CACUL1: variants seen among roughly 807,000 people sequenced by gnomAD.
CACUL1 encodes CDK2 associated cullin domain 1.
Under a neutral mutation model 45.2 loss-of-function variants are expected in CACUL1, and 13 were observed. The ratio of observed to expected loss-of-function variants is 0.29; its 90% CI spans 0.19 to 0.46. The LOEUF (loss-of-function observed/expected upper bound fraction) is 0.46, where lower values mean the gene tolerates loss of function less well. Ranked by LOEUF, CACUL1 falls within the 20% of genes least tolerant of loss-of-function variation. CACUL1 has a pLI of 1.00. For synonymous variants in CACUL1, 197 were observed against 174.2 expected, an observed-to-expected ratio of 1.13 and a Z score of -1.03; for missense variants, 421 against 471.4, an observed-to-expected ratio of 0.89 and a Z score of 0.99.
intron 3 of CACUL1, among the ~76,000 whole-genome samples, chr10:118,720,132 A>G (rs903347397): frequency 2.0e-5 from 3 of 152,220 alleles, no homozygotes; most frequent in African/African-American, 4.8e-5. Context: ...TATTTCTAAA[A>G]TAAGACTTCC....
At chr10:118,741,218 C>A (rs1012045492) in intron 1 of CACUL1, among the ~76,000 whole-genome samples, 27 of 152,042 alleles carry the variant, frequency 1.8e-4, no homozygotes, top group Admixed American at 7.9e-4. Context: ...AAATTATAAA[C>A]CTGTATTACT....
At chr10:118,749,179 C>T (rs1021693979) in intron 1 of CACUL1, among the ~76,000 whole-genome samples, 3 of 151,980 alleles carry the variant, frequency 2.0e-5, no homozygotes, top group African/African-American at 7.3e-5. Flanking sequence ...TCTGGGTTAA[C>T]GATGGGCAAT....
In CACUL1 at chr10:118,724,537, C is replaced by T. The variant is rs1207690747; in HGVS notation, c.597+4758G>A. Among the ~76,000 whole-genome samples, 4 of 152,024 alleles carry T rather than the reference C, an allele frequency of 2.6e-5. No homozygotes were observed. In the South Asian group the frequency reaches 8.3e-4, roughly 32 times the overall value. ...TAAAACCACTCAAGTTTTTTTTACACGGACCAAAAAATCAGCTGTGATTAA... is the reference window on the plus strand; with the variant it reads ...TAAAACCACTCAAGTTTTTTTTACATGGACCAAAAAATCAGCTGTGATTAA... On this transcript the variant is annotated intron_variant, in intron 3 of 8. Coordinates refer to ENST00000369151, the MANE Select transcript of CACUL1 (RefSeq NM_153810.5).
At chr10:118,710,544 C>A (rs578238568) in intron 3 of CACUL1, among the ~76,000 whole-genome samples, 3 of 152,172 alleles carry the variant, frequency 2.0e-5, no homozygotes, top group Non-Finnish European at 4.4e-5. Flanking sequence ...ACTGTTCTTT[C>A]TACCTAACCA....
intron 1 of CACUL1, among the ~76,000 whole-genome samples, chr10:118,735,964 A>AG (rs2119655186): frequency 6.6e-6 from 1 of 152,284 alleles, no homozygotes; most frequent in African/African-American, 2.4e-5. Flanking sequence ...AATGTATGCT[A>AG]TCTAAAAGAA....
rs529124364 is a variant in CACUL1 at position 118,701,926 on chromosome 10, G to A, written c.694-518C>T. 2.9e-4 allele frequency among the ~76,000 whole-genome samples: 44 copies of A among 152,266 alleles called. 2 individuals carry two copies. In the South Asian group the frequency reaches 8.7e-3, roughly 30 times the overall value. On this transcript the variant is annotated intron_variant, in intron 4 of 8. Coordinates refer to ENST00000369151, the MANE Select transcript of CACUL1 (RefSeq NM_153810.5). ...GCCCAAGCAGACTTAGAGAAATTGT[G>A]GTGTGAGGGAAAAATCTCCTGCAGT...
chr10:118,734,649 T>C (rs1355004512), intron 1 of CACUL1, among the ~76,000 whole-genome samples: 8 of 152,206 alleles, frequency 5.3e-5, no homozygotes, highest in Non-Finnish European at 1.0e-4. Context: ...GAGGGCTTTA[T>C]TGAACAGCAG....
intron 1 of CACUL1, among the ~76,000 whole-genome samples, chr10:118,737,443 C>G: frequency 6.6e-6 from 1 of 152,144 alleles, no homozygotes; most frequent in East Asian, 1.9e-4. Flanking sequence ...CATTAACACA[C>G]TCTTTAAGGG....
rs548448261 is a variant in CACUL1 at position 118,691,854 on chromosome 10, G to A, written c.887-451C>T. Among the ~76,000 whole-genome samples the A allele has an allele frequency of 3.1e-3, 363 of 118,148 alleles. 1 individual carries two copies. The highest frequency in any genetic ancestry group is 0.019 in the Middle Eastern group (3 of 158). 77.5% of individuals were successfully genotyped at this position (118,148 alleles called of 152,430 possible). A position where few individuals can be genotyped will look rare whatever the true frequency, so the allele number is the denominator to read the frequency against. ...TGCACTCCAGCCTGGGCGACAGAGC[G>A]AGACTCCGTCTCAAAAAAAAAAAAA... On this transcript the variant is annotated intron_variant, in intron 6 of 8. Coordinates refer to ENST00000369151, the MANE Select transcript of CACUL1 (RefSeq NM_153810.5).
intron 6 of CACUL1, among the ~76,000 whole-genome samples, chr10:118,692,187 G>A (rs1308262198): frequency 1.3e-5 from 2 of 152,062 alleles, no homozygotes; most frequent in Non-Finnish European, 1.5e-5. Context: ...CGTTTAATAA[G>A]TGGGCTGGAG....
In CACUL1 at chr10:118,746,055, G is replaced by A. The variant is rs533268899; in HGVS notation, c.367+8341C>T. 2.6e-5 allele frequency among the ~76,000 whole-genome samples: 4 copies of A among 151,790 alleles called. No homozygotes were observed. In the East Asian group the frequency reaches 7.8e-4, roughly 29 times the overall value. On this transcript the variant is annotated intron_variant, in intron 1 of 8. Transcript: ENST00000369151. ...TAGTCCCAGCTACTCAGGAGGCTGA[G>A]GCAGGAGAATGGCGTGAACCCAGGA...
At chr10:118,709,863 C>T (rs1845467696) in intron 3 of CACUL1, among the ~76,000 whole-genome samples, 1 of 152,018 alleles carries the variant, frequency 6.6e-6, no homozygotes, top group Non-Finnish European at 1.5e-5. Flanking sequence ...AGGTCTGGTG[C>T]ACGCTAGGTG....
intron 1 of CACUL1, among the ~76,000 whole-genome samples, chr10:118,750,517 T>C (rs992302744): frequency 6.6e-6 from 1 of 152,198 alleles, no homozygotes; most frequent in Non-Finnish European, 1.5e-5. Flanking sequence ...GCACCTACCA[T>C]GTATCCATCA....
At chr10:118,727,248 C>G (rs566693951) in intron 3 of CACUL1, among the ~76,000 whole-genome samples, 19 of 151,840 alleles carry the variant, frequency 1.3e-4, no homozygotes, top group Non-Finnish European at 2.6e-4. Context: ...AAAAAATTTG[C>G]CAGGCATGGT....
Position 118,725,992 on chromosome 10 carries a change from C to T in CACUL1, c.597+3303G>A, listed in dbSNP as rs116410199. On this transcript the variant is annotated intron_variant, in intron 3 of 8. Transcript: ENST00000369151. ...TTAAGATGCCCTTGACTGAGGCTGA[C>T]GCCCTGTAGGTCCAAATCATTGATT... Among the ~76,000 whole-genome samples, 847 of 152,288 alleles carry T rather than the reference C, an allele frequency of 5.6e-3. 7 individuals carry two copies. The highest frequency in any genetic ancestry group is 0.019 in the African/African-American group (807 of 41,548).
chr10:118,735,546 A>G (rs1023437282), intron 1 of CACUL1, among the ~76,000 whole-genome samples: 5 of 152,244 alleles, frequency 3.3e-5, no homozygotes, highest in African/African-American at 9.6e-5. Context: ...TACGCCTGTT[A>G]AAGTTTGAAA....
At chr10:118,720,881 T>C (rs1845593326) in intron 3 of CACUL1, among the ~76,000 whole-genome samples, 1 of 152,196 alleles carries the variant, frequency 6.6e-6, no homozygotes, top group Non-Finnish European at 1.5e-5. Flanking sequence ...TTCCTGGGTT[T>C]GCCATGACAA....
intron 3 of CACUL1, among the ~76,000 whole-genome samples, chr10:118,726,880 G>C (rs1845656696): frequency 6.6e-6 from 1 of 152,094 alleles, no homozygotes; most frequent in Admixed American, 6.6e-5. Flanking sequence ...AATGCTGAGT[G>C]ACAGAGCTGG....
In CACUL1 at chr10:118,684,662, A is replaced by G. The variant is rs1251177264; in HGVS notation, c.*1466T>C. 2.6e-5 allele frequency: 4 copies of G among 152,298 alleles called. No homozygotes were observed. The highest frequency in any genetic ancestry group is 9.6e-5 in the African/African-American group (4 of 41,568). 9.4% of individuals were successfully genotyped at this position (152,298 alleles called of 1,614,324 possible). A position where few individuals can be genotyped will look rare whatever the true frequency, so the allele number is the denominator to read the frequency against. On this transcript the variant is annotated 3_prime_UTR_variant, in exon 9 of 9. Coordinates refer to ENST00000369151, the MANE Select transcript of CACUL1 (RefSeq NM_153810.5). ...GTGACTTACTTGCTCCCAATATCCC[A>G]CTTCTAACTCTCCCACCCACACCAC...
Sources: allele counts gnomAD v4.1 joint callset (sites outside exome capture counted in the v4.1 genomes callset), GRCh38; gene constraint gnomAD v4.1.1; transcripts MANE v1.5; gene names NCBI Gene and HGNC (gene_info 2026-07-23, HGNC 2026-07-21).